TRRAP: variants seen among roughly 807,000 people sequenced by gnomAD.
TRRAP encodes transformation/transcription domain associated protein, also known as transformation/transcription domain-associated protein.
A neutral mutation model predicts 438.8 loss-of-function variants in TRRAP; 41 were observed. That is an observed-to-expected ratio of 0.09 (90% CI 0.07 to 0.12). TRRAP has a LOEUF of 0.12. Among genes scored for constraint, TRRAP ranks in the 10% least tolerant of loss-of-function variants. The pLI is 1.00. For missense variants in TRRAP, 3,122 were observed against 5,055.1 expected (o/e 0.62, Z 11.60); for synonymous variants, 1,994 against 1,962.9 (o/e 1.02, Z -0.42).
Position 98,956,961 on chromosome 7 carries a change from G to C in TRRAP, c.6231+428G>C, listed in dbSNP as rs79030116. Among the ~76,000 whole-genome samples, 936 of 152,098 alleles carry C rather than the reference G, an allele frequency of 6.2e-3. 10 individuals carry two copies. The highest frequency in any genetic ancestry group is 0.021 in the African/African-American group (872 of 41,482). On this transcript the variant is annotated intron_variant, in intron 43 of 72. Coordinates refer to ENST00000456197, the MANE Select transcript of TRRAP (RefSeq NM_001375524.1). This position sits in a 1 kb window ranked among gnomAD's most constrained non-coding sequence, Gnocchi z 4.5. The stretch of plus-strand genomic sequence containing the variant: ...GGAGCCCTGAGTCTGACCCCAGCTG[G>C]TGTCATGGACCTGCTGGCTTGTGGA...
Position 98,910,157 on chromosome 7 carries a change from G to T in TRRAP, c.1452G>T (p.Leu484=). Residue 484 remains leucine, a synonymous_variant, in exon 15 of 73, where the codon CTG becomes CTT. Coordinates refer to ENST00000456197, the MANE Select transcript of TRRAP (RefSeq NM_001375524.1). ...QSELGAVEAA[L]PGVPTAPAAP... ...AACTTGGAGCCGTGGAAGCAGCTCT[G>T]CCTGGGGTGCCCACTGCCCCTGCAG... 1 of 1,612,422 alleles carries T rather than the reference G, an allele frequency of 6.2e-7. No homozygotes were observed.
chr7:98,974,383 G>T (rs989382366), intron 53 of TRRAP, among the ~76,000 whole-genome samples: 1 of 152,186 alleles, frequency 6.6e-6, no homozygotes, highest in Non-Finnish European at 1.5e-5. Flanking sequence ...GGAGAGGGCG[G>T]TCCTCACCCC....
rs1372972773 is a variant in TRRAP at position 98,954,292 on chromosome 7, G to T, written c.5731-806G>T. Reference sequence around the variant, plus strand: ...CCGCTCACACGGTCCATGCCCTTTGGCAAGTTAATGTCTCCGTGTGAGAAT... The same window carrying T: ...CCGCTCACACGGTCCATGCCCTTTGTCAAGTTAATGTCTCCGTGTGAGAAT... On this transcript the variant is annotated intron_variant, in intron 40 of 72. Transcript: ENST00000456197. 3.3e-5 allele frequency among the ~76,000 whole-genome samples: 5 copies of T among 152,356 alleles called. No homozygotes were observed. In the South Asian group the frequency reaches 6.2e-4, roughly 19 times the overall value.
At position 98,948,894 on chromosome 7, in the gene TRRAP, T is replaced by C. The variant is rs1791203525; in HGVS notation, c.4788+209T>C. Among the ~76,000 whole-genome samples the C allele has an allele frequency of 6.6e-6, 1 of 152,178 alleles. No individual in the cohort carries two copies. Among genetic ancestry groups the C allele is most frequent in the South Asian group, 2.1e-4 (1 of 4,830 alleles). On this transcript the variant is annotated intron_variant, in intron 35 of 72. Coordinates refer to ENST00000456197, the MANE Select transcript of TRRAP (RefSeq NM_001375524.1). This position sits in a 1 kb window ranked among gnomAD's most constrained non-coding sequence, Gnocchi z 4.9. ...ACTCTTTATAGGACTTTGGTGGTGGTAGCAAATAAATGTTCTGCCAGGATT... is the reference window on the plus strand; with the variant it reads ...ACTCTTTATAGGACTTTGGTGGTGGCAGCAAATAAATGTTCTGCCAGGATT...
chr7:98,942,149 G>A (rs1262882092), intron 30 of TRRAP, among the ~76,000 whole-genome samples: 1 of 152,230 alleles, frequency 6.6e-6, no homozygotes, highest in Admixed American at 6.5e-5. Flanking sequence ...AGGTGCCTGG[G>A]TTAAGCTAAA....
At chr7:98,937,370 T>A in intron 29 of TRRAP, 93 bp downstream of exon 29, 1 of 1,506,648 alleles carries the variant, frequency 6.6e-7, no homozygotes, top group Non-Finnish European at 8.8e-7. Flanking sequence ...TATTGCTATA[T>A]AAACAGTGTA....
At position 98,961,432 on chromosome 7, in the gene TRRAP, A is replaced by G. The variant is rs1186902110; in HGVS notation, c.6661A>G (p.Ser2221Gly). The G allele has an allele frequency of 7.4e-6, 12 of 1,614,130 alleles. No homozygotes were observed. Among genetic ancestry groups the G allele is most frequent in the South Asian group, 2.2e-5 (2 of 91,086 alleles). The change falls in exon 46 of 73, where the codon AGC becomes GGC. Residue 2221 changes from serine (S) to glycine (G), a missense_variant. Around this residue, in one of 24 missense-constraint regions of TRRAP, gnomAD observed 992 missense variants for 1,281.2 expected, o/e 0.77. Coordinates refer to ENST00000456197, the MANE Select transcript of TRRAP (RefSeq NM_001375524.1). The stretch of plus-strand genomic sequence containing the variant: ...CACCAAGGTGTTGCGAGCCGTCCAC[A>G]GCCTTCTCTCGCGCCTGATGAGCAT... Reference protein sequence around the residue: ...GNTKVLRAVHSLLSRLMSIFP... With the variant: ...GNTKVLRAVHGLLSRLMSIFP...
At chr7:98,904,463 G>A (rs919722320) in intron 12 of TRRAP, among the ~76,000 whole-genome samples, 5 of 124,858 alleles carry the variant, frequency 4.0e-5, no homozygotes, top group South Asian at 2.5e-4. Flanking sequence ...CAGCCTGGGC[G>A]ACAGAGCAAG....
chr7:98,923,523 A>C (rs1789897119), intron 21 of TRRAP, among the ~76,000 whole-genome samples: 1 of 152,286 alleles, frequency 6.6e-6, no homozygotes, highest in African/African-American at 2.4e-5. Flanking sequence ...CACACTTGGC[A>C]GTCCTTGATT....
intron 40 of TRRAP, among the ~76,000 whole-genome samples, chr7:98,953,730 C>A (rs1186625340): frequency 6.6e-6 from 1 of 152,178 alleles, no homozygotes; most frequent in African/African-American, 2.4e-5. Flanking sequence ...GGGCTCATGG[C>A]TGCACACAGT....
At chr7:99,009,740 C>T (rs1794344625) in intron 70 of TRRAP, among the ~76,000 whole-genome samples, 3 of 152,250 alleles carry the variant, frequency 2.0e-5, no homozygotes, top group African/African-American at 4.8e-5. Flanking sequence ...CGTGAGTGAC[C>T]GACTAGGCAG....
chr7:98,915,539 C>CT (rs552803500), intron 18 of TRRAP, among the ~76,000 whole-genome samples, 184 bp from the exon 19 acceptor site: 199 of 152,276 alleles, frequency 1.3e-3, no homozygotes, highest in African/African-American at 4.2e-3. Flanking sequence ...CCAACATATA[C>CT]TTTAAGATAA....
intron 41 of TRRAP, 101 bp downstream of exon 41, chr7:98,955,405 T>G (rs1361284972): frequency 8.0e-7 from 1 of 1,247,228 alleles, no homozygotes. Context: ...GTCGTTCATC[T>G]TTTAGTAAGG....
intron 12 of TRRAP, 107 bp downstream of exon 12, chr7:98,903,624 G>T: frequency 6.7e-7 from 1 of 1,484,886 alleles, no homozygotes; most frequent in Non-Finnish European, 9.1e-7. Context: ...ATGTATCCTT[G>T]CTTCCTTCAT....
intron 39 of TRRAP, 122 bp from the exon 40 acceptor site, chr7:98,953,031 TTGTGTGTGTGTGTG>T (rs57047314): frequency 7.9e-5 from 93 of 1,170,160 alleles, no homozygotes; most frequent in African/African-American, 7.8e-4. Flanking sequence ...TCATGTTACA[TTGTGTGTGTGTGTG>T]TGTGTGTGTG....
At chr7:98,961,112 T>C (rs1216362249) in intron 45 of TRRAP, 149 bp from the exon 46 acceptor site, 4 of 674,748 alleles carry the variant, frequency 5.9e-6, no homozygotes, top group Non-Finnish European at 7.7e-6. Flanking sequence ...ATCATTCTTG[T>C]GAAATACGAT....
chr7:98,933,270 G>A lies in TRRAP; in HGVS notation c.3882G>A (p.Lys1294=), dbSNP rs782609559. 7 of 1,613,662 alleles carry A rather than the reference G, an allele frequency of 4.3e-6. No homozygotes were observed. The highest frequency in any genetic ancestry group is 2.2e-5 in the East Asian group (1 of 44,890). ...EVLQDMVPPK[K]HLLRHQPANA... ...TGCAGGATATGGTCCCCCCTAAGAA[G>A]CACCTGCTCCGACACCAGCCTGCCA... Residue 1294 remains lysine, a synonymous_variant, in exon 27 of 73, where the codon AAG becomes AAA. Transcript: ENST00000456197.
intron 66 of TRRAP, 59 bp downstream of exon 66, chr7:98,993,796 A>G: frequency 1.9e-6 from 3 of 1,547,760 alleles, no homozygotes; most frequent in Non-Finnish European, 2.7e-6. Context: ...GGTGTTCTGT[A>G]TGCTTCTGTG....
Position 98,983,788 on chromosome 7 carries a change from T to G in TRRAP, c.9023-305T>G, listed in dbSNP as rs2116763966. On this transcript the variant is annotated intron_variant, in intron 60 of 72. Coordinates refer to ENST00000456197, the MANE Select transcript of TRRAP (RefSeq NM_001375524.1). ...AGGACGAGTTGTGCTCAGGTGGCTCTGCGTGGCCTTTTCTGGTTTTCCTGG... is the reference window on the plus strand; with the variant it reads ...AGGACGAGTTGTGCTCAGGTGGCTCGGCGTGGCCTTTTCTGGTTTTCCTGG... 2.0e-5 allele frequency among the ~76,000 whole-genome samples: 3 copies of G among 152,328 alleles called. 1 individual carries two copies. The East Asian group carries it at 5.8e-4, about 29-fold the overall frequency.
Sources: gnomAD v4.1 joint callset for allele counts (sites outside exome capture counted in the v4.1 genomes callset) on GRCh38, gnomAD v4.1.1 for gene constraint, gnomAD v4.1.1 regional missense constraint, Gnocchi (gnomAD v3.1) non-coding constraint, MANE v1.5 for transcripts, NCBI Gene and HGNC (gene_info 2026-07-23, HGNC 2026-07-21) for gene names.